The following NLRP5 variants were observed in gnomAD, a reference collection of about 807,000 sequenced individuals.
NLRP5 encodes NACHT, LRR and PYD domains-containing protein 5.
A neutral mutation model predicts 113.1 loss-of-function variants in NLRP5; 93 were observed. The ratio of observed to expected loss-of-function variants is 0.82; its 90% CI spans 0.70 to 0.98. The LOEUF (loss-of-function observed/expected upper bound fraction) is 0.98, where lower values mean the gene tolerates loss of function less well. Among genes scored for constraint, NLRP5 ranks in the 50% least tolerant of loss-of-function variants. NLRP5 has a pLI of 0.00. For missense variants in NLRP5, 1,808 were observed against 1,514.3 expected, an observed-to-expected ratio of 1.19 and a Z score of -3.22; for synonymous variants, 751 against 600.7, an observed-to-expected ratio of 1.25 and a Z score of -3.66.
chr19:56,046,538 C>T (rs1010235129), intron 11 of NLRP5, among the ~76,000 whole-genome samples: 6 of 148,862 alleles, frequency 4.0e-5, no homozygotes, highest in Non-Finnish European at 8.9e-5. Flanking sequence ...GGATTGGTAC[C>T]ACTTCTTGTT....
At chr19:56,051,967 T>C (rs1055472986) in intron 12 of NLRP5, among the ~76,000 whole-genome samples, 1 of 152,202 alleles carries the variant, frequency 6.6e-6, no homozygotes, top group Non-Finnish European at 1.5e-5. Flanking sequence ...AATTCTACCA[T>C]TTGTTTTAAT....
rs1395680491 is a variant in NLRP5 at position 56,033,533 on chromosome 19, C to G, written c.2448-9C>G. ...CAGTGTCGAATGTGTCTCCCCTTCCCCATTGCAGGTTTAGAAATGCACAGA... is the reference window on the plus strand; with the variant it reads ...CAGTGTCGAATGTGTCTCCCCTTCCGCATTGCAGGTTTAGAAATGCACAGA... On this transcript the variant is annotated splice_polypyrimidine_tract_variant and intron_variant, in intron 8 of 14. Coordinates refer to ENST00000390649, the MANE Select transcript of NLRP5 (RefSeq NM_153447.4). 16 of 1,605,376 alleles carry G rather than the reference C, an allele frequency of 1.0e-5. No homozygotes were observed. The highest frequency in any genetic ancestry group is 1.3e-5 in the African/African-American group (1 of 74,668).
At chr19:56,055,935 ACT>A (rs1355849621) in intron 13 of NLRP5, among the ~76,000 whole-genome samples, 2 of 151,840 alleles carry the variant, frequency 1.3e-5, no homozygotes, top group Non-Finnish European at 2.9e-5. Context: ...ACTGAACCGC[ACT>A]CTCCACCCTC....
chr19:56,043,559 T>C (rs1415803100), intron 11 of NLRP5, among the ~76,000 whole-genome samples: 584 of 33,760 alleles, frequency 0.017, 23 homozygotes, highest in African/African-American at 0.043. Flanking sequence ...TTTTTTTTTT[T>C]TTTTTTTTTT....
At chr19:56,055,579 T>C (rs1362922354) in intron 13 of NLRP5, among the ~76,000 whole-genome samples, 1 of 121,894 alleles carries the variant, frequency 8.2e-6, no homozygotes, top group Admixed American at 9.8e-5. Flanking sequence ...AGAGTCTTGC[T>C]CTGTCCCCCA....
chr19:56,053,913 C>A, intron 13 of NLRP5, 105 bp downstream of exon 13: 1 of 1,067,306 alleles, frequency 9.4e-7, no homozygotes, highest in Non-Finnish European at 1.4e-6. Flanking sequence ...TTCCATGAGT[C>A]CCTCAAGTTA....
Position 56,033,557 on chromosome 19 carries a change from G to T in NLRP5, c.2463G>T (p.Gln821His). The T allele has an allele frequency of 6.2e-7, 1 of 1,613,372 alleles. No individual in the cohort carries two copies. Among genetic ancestry groups the T allele is most frequent in the Non-Finnish European group, 8.5e-7 (1 of 1,179,550 alleles). The change falls in exon 9 of 15, where the codon CAG (glutamine) becomes CAT (histidine). Residue 821 changes from glutamine to histidine, a missense_variant. Physicochemically the swap from Gln to His is conservative, Grantham distance 24. Transcript: ENST00000390649. ...CCCATTGCAGGTTTAGAAATGCACAGATTACCCCTGGTGTGCAGCACCTCT... is the reference window on the plus strand; with the variant it reads ...CCCATTGCAGGTTTAGAAATGCACATATTACCCCTGGTGTGCAGCACCTCT...
intron 4 of NLRP5, among the ~76,000 whole-genome samples, chr19:56,016,256 C>A (rs1041034505): frequency 6.6e-6 from 1 of 151,746 alleles, no homozygotes; most frequent in Non-Finnish European, 1.5e-5. Flanking sequence ...CGGGTTCAAG[C>A]GATTATTCTG....
intron 5 of NLRP5, 104 bp downstream of exon 5, chr19:56,019,502 T>G (rs1982534428): frequency 1.5e-6 from 2 of 1,329,682 alleles, no homozygotes; most frequent in South Asian, 2.6e-5. Context: ...AGATTGCCTT[T>G]CTTCATTCTC....
rs537713546 is a variant in NLRP5 at position 56,055,700 on chromosome 19, C to T, written c.3299+1892C>T. On this transcript the variant is annotated intron_variant, in intron 13 of 14. Coordinates refer to ENST00000390649, the MANE Select transcript of NLRP5 (RefSeq NM_153447.4). ...AGCTGGGACTACAGGTGCCCGCCAC[C>T]ACGCCCGGCTAATTTTTTGTATTTT... Among the ~76,000 whole-genome samples the T allele has an allele frequency of 5.9e-5, 9 of 151,758 alleles. 1 individual carries two copies. Among genetic ancestry groups the T allele is most frequent in the South Asian group, 4.2e-4 (2 of 4,810 alleles).
chr19:56,002,342 A>T (rs1379732101), intron 1 of NLRP5, among the ~76,000 whole-genome samples: 2 of 152,170 alleles, frequency 1.3e-5, no homozygotes, highest in Non-Finnish European at 1.5e-5. Context: ...TTTTACACCA[A>T]AACTGTTTAC....
intron 13 of NLRP5, among the ~76,000 whole-genome samples, chr19:56,057,120 A>G (rs951784972): frequency 2.0e-5 from 3 of 152,184 alleles, no homozygotes; most frequent in African/African-American, 4.8e-5. Context: ...TCAGCGATAG[A>G]GCAAGACTCA....
intron 12 of NLRP5, among the ~76,000 whole-genome samples, chr19:56,051,223 T>C (rs1983921206): frequency 6.6e-6 from 1 of 152,198 alleles, no homozygotes; most frequent in Admixed American, 6.5e-5. Context: ...TTTTGAGTCT[T>C]GCTCTGTTGC....
At chr19:56,032,301 C>A (rs185742431) in intron 7 of NLRP5, among the ~76,000 whole-genome samples, 1 of 151,290 alleles carries the variant, frequency 6.6e-6, no homozygotes, top group East Asian at 1.9e-4. Context: ...GCCGAGATTG[C>A]GCCACTGCGC....
chr19:56,026,699 C>T (rs1327412258), intron 6 of NLRP5, among the ~76,000 whole-genome samples: 1 of 151,650 alleles, frequency 6.6e-6, no homozygotes, highest in Non-Finnish European at 1.5e-5. Flanking sequence ...CTGCCTCAGC[C>T]TCCTGAGTAG....
At chr19:56,049,463 G>A (rs1004889353) in intron 11 of NLRP5, among the ~76,000 whole-genome samples, 11 of 152,150 alleles carry the variant, frequency 7.2e-5, no homozygotes, top group Non-Finnish European at 1.6e-4. Flanking sequence ...TTATAGGCAT[G>A]AGCCACCGTG....
intron 11 of NLRP5, among the ~76,000 whole-genome samples, chr19:56,043,542 C>CCTTTTTTT (rs1983599289): frequency 1.1e-5 from 1 of 92,920 alleles, no homozygotes; most frequent in African/African-American, 5.3e-5. Context: ...CTCTGCTATT[C>CCTTTTTTT]TTTTTTTTTT....
rs1984361272 is a variant in NLRP5 at position 56,061,688 on chromosome 19, C to A, written c.*160C>A. 1 of 785,072 alleles carries A rather than the reference C, an allele frequency of 1.3e-6. No homozygotes were observed. Among genetic ancestry groups the A allele is most frequent in the Non-Finnish European group, 2.1e-6 (1 of 487,104 alleles). 48.6% of individuals were successfully genotyped at this position (785,072 alleles called of 1,614,324 possible). A position where few individuals can be genotyped will look rare whatever the true frequency, so the allele number is the denominator to read the frequency against. On this transcript the variant is annotated 3_prime_UTR_variant, in exon 15 of 15. Coordinates refer to ENST00000390649, the MANE Select transcript of NLRP5 (RefSeq NM_153447.4). ...TGGTAGTGATTCTTCTGTGTTCACTCTACGTTGGTTACTGGATTTGAAGGC... is the reference window on the plus strand; with the variant it reads ...TGGTAGTGATTCTTCTGTGTTCACTATACGTTGGTTACTGGATTTGAAGGC...
chr19:56,006,280 T>TG (rs910315653), intron 2 of NLRP5, among the ~76,000 whole-genome samples: 8 of 151,220 alleles, frequency 5.3e-5, no homozygotes, highest in Admixed American at 5.3e-4. Context: ...TGTTGTGGGG[T>TG]GGGGGAAGTG....
Sources: allele counts gnomAD v4.1 joint callset (sites outside exome capture counted in the v4.1 genomes callset), GRCh38; gene constraint gnomAD v4.1.1; transcripts MANE v1.5; gene names NCBI Gene and HGNC (gene_info 2026-07-23, HGNC 2026-07-21).